The following CRYBB2 variants were observed in gnomAD, a reference collection of about 807,000 sequenced individuals.
CRYBB2 encodes beta-crystallin B2.
A neutral mutation model predicts 24.3 loss-of-function variants in CRYBB2; 12 were observed. That is an observed-to-expected ratio of 0.49 (90% CI 0.32 to 0.80). CRYBB2 has a LOEUF of 0.80. CRYBB2 is among the 30% of genes least tolerant of loss of function. The pLI is 0.04. For missense variants in CRYBB2, 198 were observed against 268.5 expected (o/e 0.74, Z 1.83); for synonymous variants, 98 against 101.6 (o/e 0.96, Z 0.21).
chr22:25,217,084 G>A (rs981440090), upstream of CRYBB2, among the ~76,000 whole-genome samples: 2 of 152,070 alleles, frequency 1.3e-5, no homozygotes, highest in African/African-American at 4.8e-5. Flanking sequence ...TATGAACATG[G>A]GTGTGTAAAT....
At chr22:25,227,435 T>C (rs1935439566) in intron 3 of CRYBB2, among the ~76,000 whole-genome samples, 2 of 151,864 alleles carry the variant, frequency 1.3e-5, no homozygotes, top group Admixed American at 6.6e-5. Flanking sequence ...CGTGTCATAT[T>C]GATAGCTTGA....
chr22:25,231,566 C>G (rs1481300600), intron 5 of CRYBB2, 38 bp from the exon 6 acceptor site: 1 of 1,600,298 alleles, frequency 6.2e-7, no homozygotes, highest in African/African-American at 1.3e-5. Flanking sequence ...CTCTTCCTGT[C>G]CCCCTCGTTC....
intron 3 of CRYBB2, among the ~76,000 whole-genome samples, chr22:25,225,965 A>T (rs978161997): frequency 6.6e-6 from 1 of 152,208 alleles, no homozygotes; most frequent in Non-Finnish European, 1.5e-5. Flanking sequence ...CTGCCTTTTC[A>T]AACATTTTGA....
chr22:25,214,508 G>T (rs916281795), intron 1 of CRYBB2, among the ~76,000 whole-genome samples: 1 of 152,130 alleles, frequency 6.6e-6, no homozygotes, highest in Non-Finnish European at 1.5e-5. Flanking sequence ...GGTTGCTGAC[G>T]GTCTCTGTCT....
chr22:25,230,859 G>C (rs1177032123), intron 5 of CRYBB2, among the ~76,000 whole-genome samples: 1 of 151,534 alleles, frequency 6.6e-6, no homozygotes, highest in Non-Finnish European at 1.5e-5. Flanking sequence ...TACTTCCTTG[G>C]AGAAAAGATT....
chr22:25,218,207 T>G (rs5760917), upstream of CRYBB2, among the ~76,000 whole-genome samples: 2 of 150,970 alleles, frequency 1.3e-5, no homozygotes, highest in Non-Finnish European at 2.9e-5. Flanking sequence ...TGCAGTGAGC[T>G]GAGATCGTGC....
chr22:25,229,935 G>A (rs1299556367), intron 5 of CRYBB2, among the ~76,000 whole-genome samples: 2 of 151,434 alleles, frequency 1.3e-5, no homozygotes, highest in East Asian at 3.9e-4. Flanking sequence ...AAAGCTATGA[G>A]AAGCAGGAGG....
chr22:25,221,163 T>C (rs745514762), intron 1 of CRYBB2, among the ~76,000 whole-genome samples: 8 of 152,248 alleles, frequency 5.3e-5, no homozygotes, highest in Non-Finnish European at 1.0e-4. Context: ...AGTTTATTAC[T>C]GCTCTCTTTC....
chr22:25,224,787 GTTTGA>G, intron 2 of CRYBB2, 126 bp from the exon 3 acceptor site: 2 of 766,274 alleles, frequency 2.6e-6, no homozygotes, highest in Non-Finnish European at 4.8e-6. Flanking sequence ...TTGATTTTAT[GTTTGA>G]TTTGTCACTC....
exon 1 of CRYBB2, chr22:25,212,648 G>C (rs12171004): frequency 0.14 from 21,209 of 152,206 alleles, 1,572 homozygotes; most frequent in South Asian, 0.27. Flanking sequence ...CTCTGTAGAC[G>C]TTACAATGTT....
upstream of CRYBB2, among the ~76,000 whole-genome samples, chr22:25,217,487 T>C (rs148285827): frequency 3.6e-4 from 55 of 152,222 alleles, no homozygotes; most frequent in East Asian, 0.01. Context: ...CCGGCTAATT[T>C]TGTATTTTTA....
At chr22:25,218,822 GAAAGAAAGAAAGAAAGAGAA>G (rs1569016473), upstream of CRYBB2, among the ~76,000 whole-genome samples, 12 of 113,792 alleles carry the variant, frequency 1.1e-4, no homozygotes, top group Middle Eastern at 4.0e-3. Flanking sequence ...AAGAAAGAAA[GAAAGAAAGAAAGAAAGAGAA>G]AGAAAGAAAG....
chr22:25,227,868 A>G lies in CRYBB2; in HGVS notation c.189A>G (p.Glu63=). ...LVQAGPWVGY[E]QANCKGEQFV... Reference sequence around the variant, plus strand: ...TCCATGGCAGCTGGGTGGGCTATGAACAGGCCAACTGCAAGGGCGAGCAGT... The same window carrying G: ...TCCATGGCAGCTGGGTGGGCTATGAGCAGGCCAACTGCAAGGGCGAGCAGT... Residue 63 remains glutamate, a synonymous_variant, in exon 4 of 6, where the codon GAA becomes GAG. Coordinates refer to ENST00000398215, the MANE Select transcript of CRYBB2 (RefSeq NM_000496.3). 1.9e-6 allele frequency: 3 copies of G among 1,614,134 alleles called. No homozygotes were observed. Among genetic ancestry groups the G allele is most frequent in the Non-Finnish European group, 2.5e-6 (3 of 1,180,020 alleles).
At chr22:25,218,728 G>A (rs1024048204), upstream of CRYBB2, among the ~76,000 whole-genome samples, 504 of 78,960 alleles carry the variant, frequency 6.4e-3, 54 homozygotes, top group African/African-American at 0.015. Context: ...GAGAGAGAGA[G>A]AGAGAGGGGA....
At position 25,228,616 on chromosome 22, in the gene CRYBB2, G is replaced by T. The variant is rs188576199; in HGVS notation, c.306+631G>T. The stretch of plus-strand genomic sequence containing the variant: ...GTCTAGCTCCTCCCAGGACCTACTG[G>T]AAGGTTGGGGAACACGGGACTTGGC... On this transcript the variant is annotated intron_variant, in intron 4 of 5. Transcript: ENST00000398215. Among the ~76,000 whole-genome samples the T allele has an allele frequency of 2.2e-3, 332 of 152,308 alleles. 1 individual carries two copies. The highest frequency in any genetic ancestry group is 7.7e-3 in the African/African-American group (322 of 41,566).
intron 3 of CRYBB2, among the ~76,000 whole-genome samples, chr22:25,226,168 CTGTGTG>C (rs3064285): frequency 0.071 from 10,515 of 149,050 alleles, 493 homozygotes; most frequent in African/African-American, 0.13. Flanking sequence ...TTGGATTTCT[CTGTGTG>C]TGTGTGTGTG....
rs755121246 is a variant in CRYBB2 at position 25,231,823 on chromosome 22, A to G, written c.*51A>G. On this transcript the variant is annotated 3_prime_UTR_variant, in exon 6 of 6. Transcript: ENST00000398215. ...CAGGACCCAGGTCTGCTGCCCAGGA[A>G]CCCTCCAGACCTCCCAGAGAGTGAA... The G allele has an allele frequency of 1.9e-6, 3 of 1,546,646 alleles. No individual in the cohort carries two copies. Among genetic ancestry groups the G allele is most frequent in the South Asian group, 1.1e-5 (1 of 89,666 alleles).
chr22:25,218,775 GAGAGAAGA>G (rs1263823869), upstream of CRYBB2, among the ~76,000 whole-genome samples: 68 of 22,224 alleles, frequency 3.1e-3, no homozygotes, highest in South Asian at 7.4e-3. Context: ...GAGAGAGAGA[GAGAGAAGA>G]AAGAAAGAAA....
chr22:25,221,254 GC>G, intron 1 of CRYBB2, 149 bp from the exon 2 acceptor site: 3 of 644,592 alleles, frequency 4.7e-6, no homozygotes, highest in Non-Finnish European at 8.6e-6. Context: ...AGTTGAAGTA[GC>G]TGCTTACGGA....
Sources: allele counts gnomAD v4.1 joint callset (sites outside exome capture counted in the v4.1 genomes callset), GRCh38; gene constraint gnomAD v4.1.1; transcripts MANE v1.5; gene names NCBI Gene and HGNC (gene_info 2026-07-23, HGNC 2026-07-21).